The following APLP2 variants were observed in gnomAD, a reference collection of about 807,000 sequenced individuals.
APLP2 encodes the protein CDEI box-binding protein.
Under a neutral mutation model 89.9 loss-of-function variants are expected in APLP2, and 53 were observed. The ratio of observed to expected loss-of-function variants is 0.59; its 90% CI spans 0.47 to 0.74. APLP2 has a LOEUF of 0.74. Among genes scored for constraint, APLP2 ranks in the 30% least tolerant of loss-of-function variants. The pLI is 0.00. For synonymous variants in APLP2, 372 were observed against 348.6 expected (o/e 1.07, Z -0.75); for missense variants, 973 against 975.9 (o/e 1.00, Z 0.04).
intron 1 of APLP2, among the ~76,000 whole-genome samples, chr11:130,072,699 A>AC (rs1941348443): frequency 6.6e-6 from 1 of 152,086 alleles, no homozygotes; most frequent in Non-Finnish European, 1.5e-5. Context: ...CTGGTCTGGA[A>AC]CACCTGATCT....
intron 1 of APLP2, among the ~76,000 whole-genome samples, chr11:130,093,529 C>T (rs973548581): frequency 1.3e-5 from 2 of 152,026 alleles, no homozygotes; most frequent in African/African-American, 4.8e-5. Context: ...CAAAAAGAAA[C>T]TAGAAAAGAT....
At chr11:130,080,177 C>CTT (rs1942907693) in intron 1 of APLP2, among the ~76,000 whole-genome samples, 2 of 152,070 alleles carry the variant, frequency 1.3e-5, no homozygotes, top group Non-Finnish European at 2.9e-5. Context: ...AGTTAATAGC[C>CTT]TCCTAAGTTT....
At chr11:130,078,189 A>AT (rs1942471783) in intron 1 of APLP2, among the ~76,000 whole-genome samples, 4 of 148,310 alleles carry the variant, frequency 2.7e-5, no homozygotes, top group Non-Finnish European at 4.5e-5. Context: ...TTAGCTTCAT[A>AT]TAAGTGGAAT....
Position 130,069,982 on chromosome 11 carries a change from C to T in APLP2, c.5C>T (p.Ala2Val). ...GCTAGAGCGACCCGGCGAGGGATGG[C>T]GGCCACCGGGACCGCGGCCGCCGCA... M[A>V]ATGTAAAAAT... Residue 2 changes from alanine (A) to valine (V), a missense_variant, in exon 1 of 17, where the codon GCG becomes GTG. By Grantham distance (64) the Ala-to-Val change is moderately conservative. Transcript: ENST00000338167. The T allele has an allele frequency of 2.0e-6, 3 of 1,503,516 alleles. No individual in the cohort carries two copies. Among genetic ancestry groups the T allele is most frequent in the South Asian group, 1.2e-5 (1 of 82,068 alleles). 93.1% of individuals were successfully genotyped at this position (1,503,516 alleles called of 1,614,324 possible). A position where few individuals can be genotyped will look rare whatever the true frequency, so the allele number is the denominator to read the frequency against.
chr11:130,133,159 G>C (rs1951122296), intron 11 of APLP2, among the ~76,000 whole-genome samples: 1 of 147,598 alleles, frequency 6.8e-6, no homozygotes, highest in Admixed American at 6.8e-5. Flanking sequence ...ATCTTGCTCT[G>C]TTGCCTAGGT....
intron 1 of APLP2, chr11:130,108,878 G>A (rs2135781578): frequency 6.6e-6 from 1 of 152,386 alleles, no homozygotes; most frequent in South Asian, 2.1e-4. Flanking sequence ...CCATAAAAAG[G>A]TTGAGTTCAT....
At chr11:130,107,968 G>A (rs1378130443) in intron 1 of APLP2, among the ~76,000 whole-genome samples, 1 of 152,146 alleles carries the variant, frequency 6.6e-6, no homozygotes, top group African/African-American at 2.4e-5. Flanking sequence ...ATTGGGAAAG[G>A]ATTCCCTATT....
chr11:130,091,766 G>A (rs1366221540), intron 1 of APLP2, among the ~76,000 whole-genome samples: 6 of 150,014 alleles, frequency 4.0e-5, no homozygotes, highest in Admixed American at 6.6e-5. Flanking sequence ...GCCAGGCGGG[G>A]GGCTGAACCC....
chr11:130,106,694 C>T (rs1292960033), intron 1 of APLP2, among the ~76,000 whole-genome samples: 2 of 147,700 alleles, frequency 1.4e-5, no homozygotes, highest in African/African-American at 4.9e-5. Context: ...GGTCAGATTC[C>T]TTTTTTTTTT....
At chr11:130,071,176 G>A (rs1941013866) in intron 1 of APLP2, among the ~76,000 whole-genome samples, 1 of 151,926 alleles carries the variant, frequency 6.6e-6, no homozygotes, top group Non-Finnish European at 1.5e-5. Flanking sequence ...CTGAAGACTG[G>A]ATTTGATTGG....
intron 3 of APLP2, among the ~76,000 whole-genome samples, chr11:130,118,362 T>A (rs1949452509): frequency 6.6e-6 from 1 of 152,182 alleles, no homozygotes; most frequent in Admixed American, 6.5e-5. Flanking sequence ...GAACAATAGT[T>A]TCTGTTCTAA....
intron 1 of APLP2, among the ~76,000 whole-genome samples, chr11:130,093,077 A>G (rs985806142): frequency 4.6e-5 from 7 of 152,066 alleles, no homozygotes; most frequent in African/African-American, 1.4e-4. Flanking sequence ...TTACTTGGGG[A>G]GAGTGGGCCC....
chr11:130,093,531 A>G (rs960180974), intron 1 of APLP2, among the ~76,000 whole-genome samples: 3 of 152,230 alleles, frequency 2.0e-5, no homozygotes, highest in African/African-American at 7.2e-5. Flanking sequence ...AAAAGAAACT[A>G]GAAAAGATAA....
At chr11:130,102,560 T>C (rs1462594941) in intron 1 of APLP2, among the ~76,000 whole-genome samples, 2 of 152,204 alleles carry the variant, frequency 1.3e-5, no homozygotes, top group African/African-American at 4.8e-5. Flanking sequence ...CCTGGAATAG[T>C]AGCTTCAATG....
intron 1 of APLP2, among the ~76,000 whole-genome samples, chr11:130,101,032 T>A (rs1946844124): frequency 6.7e-6 from 1 of 150,078 alleles, no homozygotes; most frequent in Non-Finnish European, 1.5e-5. Flanking sequence ...GTGGTCACTG[T>A]TTGGACAGTA....
chr11:130,092,601 T>C (rs1326319323), intron 1 of APLP2, among the ~76,000 whole-genome samples: 13 of 144,846 alleles, frequency 9.0e-5, no homozygotes, highest in Admixed American at 8.9e-4. Context: ...ATCGCAGGCA[T>C]TGGGCAGACT....
intron 1 of APLP2, among the ~76,000 whole-genome samples, chr11:130,085,977 A>G (rs767206715): frequency 5.9e-5 from 9 of 152,224 alleles, no homozygotes; most frequent in Non-Finnish European, 1.0e-4. Context: ...ACCTTTGGCT[A>G]CTGTAAACAA....
At chr11:130,088,269 A>C (rs1021201261) in intron 1 of APLP2, among the ~76,000 whole-genome samples, 2 of 151,902 alleles carry the variant, frequency 1.3e-5, no homozygotes, top group Non-Finnish European at 2.9e-5. Context: ...TCCAGGGGGG[A>C]AAAAACCATA....
chr11:130,093,502 C>A (rs1945732188), intron 1 of APLP2, among the ~76,000 whole-genome samples: 1 of 152,150 alleles, frequency 6.6e-6, no homozygotes, highest in Non-Finnish European at 1.5e-5. Flanking sequence ...CAGTAGAAAT[C>A]TTCCAGAAGG....
Sources: allele counts gnomAD v4.1 joint callset (sites outside exome capture counted in the v4.1 genomes callset), GRCh38; gene constraint gnomAD v4.1.1; transcripts MANE v1.5; gene names NCBI Gene and HGNC (gene_info 2026-07-23, HGNC 2026-07-21).